C3: variants seen among roughly 807,000 people sequenced by gnomAD.
The protein encoded by C3 is complement C3, also known as C3 and PZP-like alpha-2-macroglobulin domain-containing protein 1.
Under a neutral mutation model 207.9 loss-of-function variants are expected in C3, and 97 were observed. The ratio of observed to expected loss-of-function variants is 0.47; its 90% CI spans 0.40 to 0.55. The LOEUF (loss-of-function observed/expected upper bound fraction) is 0.55. Among genes scored for constraint, C3 ranks in the 20% least tolerant of loss-of-function variants. The pLI, the probability that C3 is intolerant of heterozygous loss-of-function variation, is 0.00. For synonymous variants in C3, 848 were observed against 857.6 expected (o/e 0.99, Z 0.20); for missense variants, 1,684 against 2,171.7 (o/e 0.78, Z 4.46).
intron 27 of C3, among the ~76,000 whole-genome samples, chr19:6,690,271 G>A (rs921209364): frequency 6.6e-6 from 1 of 152,204 alleles, no homozygotes; most frequent in African/African-American, 2.4e-5. Context: ...GATGTAGAAA[G>A]CACTTTTGGA....
chr19:6,707,569 AT>A, intron 15 of C3, 32 bp from the exon 16 acceptor site: 1 of 1,612,328 alleles, frequency 6.2e-7, no homozygotes, highest in Non-Finnish European at 8.5e-7. Flanking sequence ...AAGAAGATGG[AT>A]GAGGCACCTA....
At chr19:6,680,124 C>T (rs746162035) in intron 36 of C3, 34 bp downstream of exon 36, 1 of 1,166,756 alleles carries the variant, frequency 8.6e-7, no homozygotes, top group Admixed American at 1.7e-5. Flanking sequence ...GCCCCTGGAA[C>T]CATCAGACCC....
Position 6,685,003 on chromosome 19 carries a change from G to A in C3, c.3954C>T (p.Leu1318=), listed in dbSNP as rs747043466. 2.5e-6 allele frequency: 4 copies of A among 1,613,718 alleles called. No homozygotes were observed. The highest frequency in any genetic ancestry group is 3.4e-6 in the Non-Finnish European group (4 of 1,180,036). Residue 1318 remains leucine (L), a synonymous_variant, in exon 30 of 41, where the codon CTC becomes CTT. Transcript: ENST00000245907. Reference sequence around the variant, plus strand: ...GTGACTGTACCTCTTCTGATCGCAGGAGGCTGGCAGATTCCCAGTGGATAC... The same window carrying A: ...GTGACTGTACCTCTTCTGATCGCAGAAGGCTGGCAGATTCCCAGTGGATAC... The part of the protein sequence containing the change: ...THRIHWESAS[L]LRSEETKENE...
At chr19:6,711,940 A>G (rs1315384337) in intron 11 of C3, among the ~76,000 whole-genome samples, 4 of 152,206 alleles carry the variant, frequency 2.6e-5, no homozygotes, top group Non-Finnish European at 5.9e-5. Context: ...GGAGCAGGGC[A>G]TGCAAGAGGA....
intron 27 of C3, among the ~76,000 whole-genome samples, chr19:6,687,565 G>A (rs1918041170): frequency 6.6e-6 from 1 of 152,126 alleles, no homozygotes; most frequent in African/African-American, 2.4e-5. Flanking sequence ...GACATGATTT[G>A]TACTGTTTTC....
intron 23 of C3, among the ~76,000 whole-genome samples, chr19:6,696,080 G>A (rs904892715): frequency 6.6e-6 from 1 of 151,478 alleles, no homozygotes; most frequent in African/African-American, 2.4e-5. Flanking sequence ...CGTGGTGGCG[G>A]GTGGCTGTAG....
At chr19:6,685,387 G>C (rs1187146049) in intron 29 of C3, among the ~76,000 whole-genome samples, 1 of 152,160 alleles carries the variant, frequency 6.6e-6, no homozygotes. Context: ...GAATCCATCA[G>C]AAAGTCCAAA....
intron 38 of C3, among the ~76,000 whole-genome samples, chr19:6,678,718 C>A (rs1215529857): frequency 6.6e-6 from 1 of 152,072 alleles, no homozygotes. Flanking sequence ...TCATACTATG[C>A]AATGAGAGTG....
In C3 at chr19:6,714,462, G is replaced by A; in HGVS notation, c.505-16C>T. The A allele has an allele frequency of 6.3e-7, 1 of 1,594,108 alleles. No homozygotes were observed. Among genetic ancestry groups the A allele is most frequent in the Non-Finnish European group, 8.6e-7 (1 of 1,162,502 alleles). ...CTTCCGGGTTCTGTGGGAGGCAGGA[G>A]GGAAGGATAGAGGATAAAGTGGCTC... On this transcript the variant is annotated splice_polypyrimidine_tract_variant and intron_variant, in intron 4 of 40. Transcript: ENST00000245907.
rs949465349 is a variant in C3 at position 6,707,204 on chromosome 19, G to A, written c.2117C>T (p.Ser706Leu). 3 of 1,613,716 alleles carry A rather than the reference G, an allele frequency of 1.9e-6. No individual in the cohort carries two copies. The highest frequency in any genetic ancestry group is 3.3e-5 in the Admixed American group (2 of 59,996). Residue 706 changes from serine to leucine, a missense_variant, in exon 17 of 41, where the codon TCG becomes TTG. Ser to Leu is a moderately radical substitution (Grantham distance 145, BLOSUM62 -2). Around this residue, in one of 3 missense-constraint regions of C3, gnomAD observed 1,280 missense variants for 1,739.1 expected, o/e 0.74. Transcript: ENST00000245907. ...DGMRENPMRF[S>L]CQRRTRFISL... ...GATGAAACGGGTCCGGCGCTGGCAC[G>A]AGAACCTCATGGGGTTCTCCCGCAT...
rs752614442 is a variant in C3, at chr19:6,719,244, A to T, written c.234T>A (p.Pro78=). The T allele has an allele frequency of 6.2e-7, 1 of 1,613,984 alleles. No individual in the cohort carries two copies. The highest frequency in any genetic ancestry group is 8.5e-7 in the Non-Finnish European group (1 of 1,179,968). The change falls in exon 2 of 41, where the codon CCT becomes CCA. Residue 78 remains proline (P), a synonymous_variant. Coordinates refer to ENST00000245907, the MANE Select transcript of C3 (RefSeq NM_000064.4). This position sits in a 1 kb window ranked among gnomAD's most constrained non-coding sequence, Gnocchi z 5.4. ...TGACGTTGCCCATGTGGTTGGTGGC[A>T]GGGGTCAGCACAGTCTTCTCACTGG... ...VLSSEKTVLT[P]ATNHMGNVTF...
chr19:6,683,446 A>ATTTTTTTTTTTTTTTTTTTTTTTTT (rs770744810), intron 33 of C3: 20 of 93,430 alleles, frequency 2.1e-4, no homozygotes, highest in Non-Finnish European at 3.3e-4. Context: ...GTTTTATTCT[A>ATTTTTTTTTTTTTTTTTTTTTTTTT]TTTTTTTTTT....
chr19:6,713,615 GGCCTCTCACCTGGCCCCACCTCCA>G lies in C3; in HGVS notation c.774-130_774-107del. On this transcript the variant is annotated intron_variant, in intron 7 of 40. Transcript: ENST00000245907. ...AGACTGGAGCCCCCAACCCACTGCT[GGCCTCTCACCTGGCCCCACCTCCA>G]GCCCCTCACCTGGCCCCACCCCCAG... The G allele has an allele frequency of 9.1e-6, 8 of 882,892 alleles. No homozygotes were observed. The South Asian group carries it at 1.1e-4, about 12-fold the overall frequency. 54.7% of individuals were successfully genotyped at this position (882,892 alleles called of 1,614,324 possible).
At chr19:6,717,750 T>TG (rs779623928) in intron 4 of C3, 2 of 465,794 alleles carry the variant, frequency 4.3e-6, no homozygotes, top group East Asian at 4.1e-5. Context: ...GTGTTGTGTG[T>TG]GTGGTCATGC....
intron 38 of C3, among the ~76,000 whole-genome samples, chr19:6,678,773 C>T (rs1408066942): frequency 2.0e-5 from 3 of 152,150 alleles, no homozygotes; most frequent in African/African-American, 7.2e-5. Flanking sequence ...ATGCACACAA[C>T]CATAGCCACG....
chr19:6,702,705 C>G (rs1004347372), intron 17 of C3, 126 bp from the exon 18 acceptor site: 1 of 739,700 alleles, frequency 1.4e-6, no homozygotes, highest in East Asian at 2.5e-5. Flanking sequence ...GGAGACCAGC[C>G]TAGCTAACAT....
intron 27 of C3, among the ~76,000 whole-genome samples, chr19:6,689,144 CAT>C (rs11569580): frequency 0.019 from 2,858 of 152,216 alleles, 44 homozygotes; most frequent in Non-Finnish European, 0.024. Flanking sequence ...ATCTGGGTCA[CAT>C]GTGTGTTATA....
At chr19:6,700,569 G>GTAATATATAATATATGTAATATATT (rs1967641721) in intron 19 of C3, among the ~76,000 whole-genome samples, 1 of 29,790 alleles carries the variant, frequency 3.4e-5, no homozygotes, top group African/African-American at 2.1e-4. Context: ...TGTAATATAT[G>GTAATATATAATATATGTAATATATT]ATATATTATA....
chr19:6,710,855 C>A lies in C3; in HGVS notation c.1480-10G>T, dbSNP rs200390075. ...TGCCCTTGTTCATGATCTGGGGGGACAGGCTGGCATCAGGCTGGGGAGGGT... is the reference window on the plus strand; with the variant it reads ...TGCCCTTGTTCATGATCTGGGGGGAAAGGCTGGCATCAGGCTGGGGAGGGT... On this transcript the variant is annotated splice_polypyrimidine_tract_variant and intron_variant, in intron 12 of 40. Coordinates refer to ENST00000245907, the MANE Select transcript of C3 (RefSeq NM_000064.4). 1.9e-6 allele frequency: 3 copies of A among 1,612,760 alleles called. No individual in the cohort carries two copies. Among genetic ancestry groups the A allele is most frequent in the South Asian group, 1.1e-5 (1 of 91,072 alleles).
Sources: gnomAD v4.1 joint callset for allele counts (sites outside exome capture counted in the v4.1 genomes callset) on GRCh38, gnomAD v4.1.1 for gene constraint, gnomAD v4.1.1 regional missense constraint, Gnocchi (gnomAD v3.1) non-coding constraint, MANE v1.5 for transcripts, NCBI Gene and HGNC (gene_info 2026-07-23, HGNC 2026-07-21) for gene names.